The following CCDC196 variants were observed in gnomAD, a reference collection of about 807,000 sequenced individuals.
CCDC196 encodes the protein coiled-coil domain-containing protein 196.
At chr14:66,494,389 C>A (rs934039376) in intron 8 of CCDC196, among the ~76,000 whole-genome samples, 1 of 152,112 alleles carries the variant, frequency 6.6e-6, no homozygotes, top group African/African-American at 2.4e-5. Flanking sequence ...AACAAATATT[C>A]TCTTCATAAA....
At chr14:66,490,323 C>A (rs1042871825) in intron 4 of CCDC196, among the ~76,000 whole-genome samples, 16 of 152,306 alleles carry the variant, frequency 1.1e-4, no homozygotes, top group African/African-American at 3.8e-4. Context: ...AGATCTGGTT[C>A]AAATTCCAAC....
intron 7 of CCDC196, 87 bp downstream of exon 7, chr14:66,491,772 C>A (rs1473904162): frequency 2.4e-6 from 1 of 412,498 alleles, no homozygotes; most frequent in Non-Finnish European, 4.4e-6. Flanking sequence ...GAAGCCCAGT[C>A]CCCACATCCT....
rs1428390326 is a variant in CCDC196, at chr14:66,498,199, A to G, written c.774+32A>G. On this transcript the variant is annotated intron_variant, in intron 9 of 9. Transcript: ENST00000636229. ...ACTACTTTCTTTAAACAAACAAAAA[A>G]TCGTTTTAAGGGCTTGAATAGATAG... 4.1e-5 allele frequency: 17 copies of G among 412,880 alleles called. No individual in the cohort carries two copies. The East Asian group carries it at 5.7e-4, about 14-fold the overall frequency. The allele number at this position is 412,880 out of a possible 1,614,324, so 25.6% of individuals were successfully genotyped here.
chr14:66,491,934 T>A, intron 7 of CCDC196, 119 bp from the exon 8 acceptor site: 1 of 406,632 alleles, frequency 2.5e-6, no homozygotes, highest in Non-Finnish European at 4.4e-6. Flanking sequence ...TCTACCCAAC[T>A]TTTAAAGACT....
Position 66,492,112 on chromosome 14 carries a change from G to T in CCDC196, c.633G>T (p.Lys211Asn), listed in dbSNP as rs951524869. Residue 211 changes from lysine to asparagine, a missense_variant, in exon 8 of 10, where the codon AAG becomes AAT. Physicochemically the swap from Lys to Asn is moderately conservative, Grantham distance 94. Transcript: ENST00000636229. ...LRIEALKNYQ[K>N]ANDLKLSLYL... ...TTGAAGCCTTGAAGAACTACCAGAA[G>T]GCCAATGACCTGAAATTATCACTGT... 2.4e-6 allele frequency: 1 copy of T among 413,510 alleles called. No homozygotes were observed. The highest frequency in any genetic ancestry group is 2.1e-5 in the African/African-American group (1 of 48,632). 25.6% of individuals were successfully genotyped at this position (413,510 alleles called of 1,614,324 possible).
intron 2 of CCDC196, among the ~76,000 whole-genome samples, chr14:66,487,735 G>A (rs1294748207): frequency 6.6e-6 from 1 of 152,158 alleles, no homozygotes; most frequent in Non-Finnish European, 1.5e-5. Flanking sequence ...AAGCAAGGAA[G>A]TGGGAGAAAG....
chr14:66,495,492 A>T (rs953564579), intron 8 of CCDC196, among the ~76,000 whole-genome samples: 1 of 152,210 alleles, frequency 6.6e-6, no homozygotes, highest in Non-Finnish European at 1.5e-5. Flanking sequence ...TCCCTAGACT[A>T]TGCTACAAAA....
At chr14:66,497,601 T>A (rs2057695755) in intron 8 of CCDC196, among the ~76,000 whole-genome samples, 1 of 152,192 alleles carries the variant, frequency 6.6e-6, no homozygotes, top group Non-Finnish European at 1.5e-5. Flanking sequence ...GGGAGTCCCA[T>A]ATTTTAGTCT....
rs2057454732 is a variant in CCDC196 at position 66,488,260 on chromosome 14, A to C, written c.300+4A>C. The C allele has an allele frequency of 2.4e-6, 1 of 412,688 alleles. No individual in the cohort carries two copies. The highest frequency in any genetic ancestry group is 4.4e-6 in the Non-Finnish European group (1 of 225,748). The allele number at this position is 412,688 out of a possible 1,614,324, so 25.6% of individuals were successfully genotyped here. A position where few individuals can be genotyped will look rare whatever the true frequency, so the allele number is the denominator to read the frequency against. ...AGAGGAGATGAAACAGAACTTGGTA[A>C]GAAGTAGGAGGGACTCCAGGAACAG... On this transcript the variant is annotated splice_donor_region_variant and intron_variant, in intron 3 of 9. Transcript: ENST00000636229.
intron 8 of CCDC196, among the ~76,000 whole-genome samples, chr14:66,495,021 G>T (rs552987826): frequency 6.9e-6 from 1 of 144,454 alleles, no homozygotes; most frequent in Non-Finnish European, 1.5e-5. Flanking sequence ...GCGAGACTTC[G>T]TATCAAAAAA....
intron 9 of CCDC196, 47 bp from the exon 10 acceptor site, chr14:66,498,306 T>C (rs922500498): frequency 2.4e-6 from 1 of 412,428 alleles, no homozygotes; most frequent in Non-Finnish European, 4.4e-6. Flanking sequence ...GGTGCTAGGG[T>C]ACTCAATATT....
At chr14:66,496,935 A>G (rs1226717772) in intron 8 of CCDC196, 1 of 152,456 alleles carries the variant, frequency 6.6e-6, no homozygotes, top group Admixed American at 6.5e-5. Flanking sequence ...ATACTCTTTG[A>G]GACCTTATTT....
At chr14:66,488,904 T>C in intron 3 of CCDC196, 83 bp from the exon 4 acceptor site, 1 of 412,352 alleles carries the variant, frequency 2.4e-6, no homozygotes, top group East Asian at 3.6e-5. Flanking sequence ...TTTTCCACTA[T>C]TACTTAGTAA....
chr14:66,486,748 G>C lies in CCDC196; in HGVS notation c.142G>C (p.Glu48Gln), dbSNP rs2057410469. 2.4e-6 allele frequency: 1 copy of C among 413,302 alleles called. No homozygotes were observed. Among genetic ancestry groups the C allele is most frequent in the African/African-American group, 2.1e-5 (1 of 48,618 alleles). The allele number at this position is 413,302 out of a possible 1,614,324, so 25.6% of individuals were successfully genotyped here. ...ACTGCTAGAGATGCTCAAACCTCTA[G>C]AAGATAAAAACAACCTCTTATTTCA... ...QELLEMLKPL[E>Q]DKNNLLFQKL... The change falls in exon 2 of 10, where the codon GAA becomes CAA. Residue 48 changes from glutamate (E) to glutamine (Q), a missense_variant. Physicochemically the swap from Glu to Gln is conservative, Grantham distance 29. Transcript: ENST00000636229.
At position 66,486,474 on chromosome 14, in the gene CCDC196, C is replaced by T. The variant is rs1002891834; in HGVS notation, c.-29C>T. 1.3e-4 allele frequency: 54 copies of T among 408,848 alleles called. No homozygotes were observed. The highest frequency in any genetic ancestry group is 2.3e-4 in the Non-Finnish European group (51 of 225,998). 25.3% of individuals were successfully genotyped at this position (408,848 alleles called of 1,614,324 possible). Reference sequence around the variant, plus strand: ...AAAAGGCACATATTTTCAGGAAGGCCTCTTTATTCTTAGAAGTTACCCTTC... The same window carrying T: ...AAAAGGCACATATTTTCAGGAAGGCTTCTTTATTCTTAGAAGTTACCCTTC... On this transcript the variant is annotated 5_prime_UTR_variant, in exon 1 of 10. Transcript: ENST00000636229.
chr14:66,489,085 G>A (rs72724558), intron 4 of CCDC196, 48 bp downstream of exon 4: 27,417 of 412,892 alleles, frequency 0.066, 1,102 homozygotes, highest in Middle Eastern at 0.11. Context: ...AGATCACAAC[G>A]CAAAGAACCT....
chr14:66,487,168 G>A (rs2057423018), intron 2 of CCDC196, among the ~76,000 whole-genome samples: 1 of 152,044 alleles, frequency 6.6e-6, no homozygotes, highest in Non-Finnish European at 1.5e-5. Flanking sequence ...CTCTTTCTAT[G>A]CCAAGCAGTG....
intron 2 of CCDC196, among the ~76,000 whole-genome samples, chr14:66,487,567 C>G (rs563611423): frequency 6.6e-6 from 1 of 152,280 alleles, no homozygotes; most frequent in South Asian, 2.1e-4. Context: ...TACAAGAACA[C>G]AAATATAAAA....
At chr14:66,494,080 A>G (rs1594744475) in intron 8 of CCDC196, 1 of 152,240 alleles carries the variant, frequency 6.6e-6, no homozygotes, top group African/African-American at 2.4e-5. Context: ...TTGAATTGGA[A>G]CAGCCACAGA....
Sources: allele counts gnomAD v4.1 joint callset (sites outside exome capture counted in the v4.1 genomes callset), GRCh38; gene constraint gnomAD v4.1.1; transcripts MANE v1.5; gene names NCBI Gene and HGNC (gene_info 2026-07-23, HGNC 2026-07-21).